Variants in FAM135A observed in about 807,000 individuals in gnomAD.
FAM135A encodes the protein protein FAM135A.
FAM135A carries 79 observed loss-of-function variants against 146.8 expected under a neutral mutation model. The observed-to-expected ratio is 0.54, with a 90% confidence interval of 0.45 to 0.65. The LOEUF (loss-of-function observed/expected upper bound fraction) is 0.65. FAM135A is among the 30% of genes least tolerant of loss of function. The probability of loss-of-function intolerance (pLI) is 0.00; values close to 1 mark genes in which losing one functional copy is unlikely to be tolerated. For missense variants in FAM135A, 1,623 were observed against 1,758.2 expected, an observed-to-expected ratio of 0.92 and a Z score of 1.38; for synonymous variants, 562 against 603.6, an observed-to-expected ratio of 0.93 and a Z score of 1.01.
intron 8 of FAM135A, 126 bp from the exon 9 acceptor site, chr6:70,480,775 A>C: frequency 1.4e-6 from 1 of 725,124 alleles, no homozygotes; most frequent in South Asian, 4.2e-5. Flanking sequence ...CTTTAGGAGT[A>C]CTTTTGAACT....
Position 70,525,591 on chromosome 6 carries a change from C to A in FAM135A, c.2507C>A (p.Ser836Tyr). ...STSAISEIQSSLTSINSLPSD... is the reference protein window; with the variant it reads ...STSAISEIQSYLTSINSLPSD... Reference sequence around the variant, plus strand: ...AGTGCTATAAGTGAAATACAGTCATCTTTGACATCCATAAACTCTCTACCC... The same window carrying A: ...AGTGCTATAAGTGAAATACAGTCATATTTGACATCCATAAACTCTCTACCC... Residue 836 changes from serine to tyrosine, a missense_variant, in exon 15 of 22, where the codon TCT becomes TAT. Ser to Tyr is a moderately radical substitution (Grantham distance 144). This residue lies in a region of FAM135A where 1,061 missense variants were observed against 1,113.8 expected (regional missense o/e 0.95). Coordinates refer to ENST00000418814, the MANE Select transcript of FAM135A (RefSeq NM_001162529.3). 1 of 1,613,560 alleles carries A rather than the reference C, an allele frequency of 6.2e-7. No homozygotes were observed. The highest frequency in any genetic ancestry group is 8.5e-7 in the Non-Finnish European group (1 of 1,179,658).
At chr6:70,495,210 C>T (rs1786944277) in intron 11 of FAM135A, among the ~76,000 whole-genome samples, 2 of 152,170 alleles carry the variant, frequency 1.3e-5, no homozygotes, top group South Asian at 4.1e-4. Context: ...TAAACCTTTT[C>T]CATAAATTAT....
intron 13 of FAM135A, 35 bp downstream of exon 13, chr6:70,522,621 A>G: frequency 6.6e-7 from 1 of 1,514,536 alleles, no homozygotes; most frequent in East Asian, 2.3e-5. Context: ...AAATGATATT[A>G]CTTCCTTTTA....
chr6:70,557,396 A>T (rs1801050573), intron 21 of FAM135A: 1 of 153,910 alleles, frequency 6.5e-6, no homozygotes, highest in Admixed American at 6.5e-5. Context: ...TTACAGACTT[A>T]GGTCAAGAAC....
chr6:70,524,949 A>C lies in FAM135A; in HGVS notation c.1865A>C (p.Gln622Pro), dbSNP rs1298042782. 1.2e-6 allele frequency: 2 copies of C among 1,607,716 alleles called. No individual in the cohort carries two copies. Among genetic ancestry groups the C allele is most frequent in the South Asian group, 1.1e-5 (1 of 89,532 alleles). Residue 622 changes from glutamine to proline, a missense_variant, in exon 15 of 22, where the codon CAG becomes CCG. Gln to Pro is a moderately conservative substitution (Grantham distance 76). Transcript: ENST00000418814. ...LSISGKLDIS[Q>P]DDSEITQMEH... is the part of the protein sequence containing the mutation. ...ATTTCAGGTAAACTTGATATCTCCCAGGACGATAGTGAAATTACACAAATG... is the reference window on the plus strand; with the variant it reads ...ATTTCAGGTAAACTTGATATCTCCCCGGACGATAGTGAAATTACACAAATG...
chr6:70,457,647 A>T (rs997741823), intron 5 of FAM135A, among the ~76,000 whole-genome samples: 1 of 152,196 alleles, frequency 6.6e-6, no homozygotes, highest in Non-Finnish European at 1.5e-5. Context: ...CCCTATTTGA[A>T]CCAAGTTCCT....
Position 70,424,882 on chromosome 6 carries a change from C to T in FAM135A, c.-133-1557C>T, listed in dbSNP as rs942278194. 3.3e-5 allele frequency among the ~76,000 whole-genome samples: 5 copies of T among 151,976 alleles called. No homozygotes were observed. In the East Asian group the frequency reaches 5.8e-4, roughly 18 times the overall value. ...TCCACATAACAGTGGTTATTAGTAT[C>T]GTAGTAGTATGTTCTCCTTTTGCCT... On this transcript the variant is annotated intron_variant, in intron 2 of 21. Transcript: ENST00000418814.
chr6:70,525,522 A>G lies in FAM135A; in HGVS notation c.2438A>G (p.Tyr813Cys), dbSNP rs370998939. 9 of 1,612,384 alleles carry G rather than the reference A, an allele frequency of 5.6e-6. No homozygotes were observed. The highest frequency in any genetic ancestry group is 1.3e-5 in the African/African-American group (1 of 74,836). Residue 813 changes from tyrosine to cysteine, a missense_variant, in exon 15 of 22, where the codon TAT becomes TGT. Tyr to Cys is a radical substitution (Grantham distance 194). This residue lies in a region of FAM135A where 1,061 missense variants were observed against 1,113.8 expected (regional missense o/e 0.95). Coordinates refer to ENST00000418814, the MANE Select transcript of FAM135A (RefSeq NM_001162529.3). ...CCTCAGCTTTTGATGAAACCTGATT[A>G]TAATGTAAAATTTTCATTAGGAAAT... ...LFPQLLMKPD[Y>C]NVKFSLGNHC...
At chr6:70,473,708 C>T (rs954739338) in intron 5 of FAM135A, among the ~76,000 whole-genome samples, 1 of 152,176 alleles carries the variant, frequency 6.6e-6, no homozygotes, top group Non-Finnish European at 1.5e-5. Context: ...TGTGGACCTC[C>T]TCCTTACCCC....
Position 70,522,595 on chromosome 6 carries a change from T to C in FAM135A, c.1103+9T>C, listed in dbSNP as rs551037381. ...GCATACCAGGAACTTCAGTGAGTAGTATAAATTCAAAATTAAAATGATATT... is the reference window on the plus strand; with the variant it reads ...GCATACCAGGAACTTCAGTGAGTAGCATAAATTCAAAATTAAAATGATATT... On this transcript the variant is annotated intron_variant, in intron 13 of 21. Coordinates refer to ENST00000418814, the MANE Select transcript of FAM135A (RefSeq NM_001162529.3). 2 of 1,606,752 alleles carry C rather than the reference T, an allele frequency of 1.2e-6. No homozygotes were observed. Among genetic ancestry groups the C allele is most frequent in the Admixed American group, 1.7e-5 (1 of 59,320 alleles).
At chr6:70,515,742 G>T (rs1013945227) in intron 12 of FAM135A, among the ~76,000 whole-genome samples, 1 of 151,952 alleles carries the variant, frequency 6.6e-6, no homozygotes, top group Admixed American at 6.6e-5. Flanking sequence ...GAACCTTAAT[G>T]TAAATAATGG....
intron 5 of FAM135A, among the ~76,000 whole-genome samples, chr6:70,475,054 G>A (rs929648325): frequency 2.2e-4 from 33 of 152,122 alleles, no homozygotes; most frequent in African/African-American, 5.6e-4. Flanking sequence ...TGAACTCCTA[G>A]CAACCAGTAC....
intron 5 of FAM135A, among the ~76,000 whole-genome samples, chr6:70,467,137 TAA>T (rs755535492): frequency 6.6e-6 from 1 of 152,222 alleles, no homozygotes; most frequent in Non-Finnish European, 1.5e-5. Flanking sequence ...CTTCAGCATC[TAA>T]AAGTCTTTTC....
chr6:70,433,036 A>T (rs1372090188), intron 4 of FAM135A, among the ~76,000 whole-genome samples: 1 of 151,594 alleles, frequency 6.6e-6, no homozygotes, highest in African/African-American at 2.4e-5. Context: ...ACACCCTGTT[A>T]TGCTAGGATG....
In FAM135A at chr6:70,525,035, T is replaced by G; in HGVS notation, c.1951T>G (p.Ser651Ala). The G allele has an allele frequency of 4.4e-6, 7 of 1,595,410 alleles. No individual in the cohort carries two copies. Among genetic ancestry groups the G allele is most frequent in the Non-Finnish European group, 6.0e-6 (7 of 1,173,810 alleles). The change falls in exon 15 of 22, where the codon TCT (serine) becomes GCT (alanine). Residue 651 changes from serine to alanine, a missense_variant. Around this residue, in one of 7 missense-constraint regions of FAM135A, gnomAD observed 1,061 missense variants for 1,113.8 expected, o/e 0.95. Transcript: ENST00000418814. Reference protein sequence around the residue: ...DDCHDHQTTPSLGVRTIEIKP... With the variant: ...DDCHDHQTTPALGVRTIEIKP... ...TTGCCATGATCATCAAACAACCCCA[T>G]CTTTGGGAGTTAGAACAATTGAAAT...
At position 70,459,977 on chromosome 6, in the gene FAM135A, G is replaced by A. The variant is rs148216035; in HGVS notation, c.157+7406G>A. The stretch of plus-strand genomic sequence containing the variant: ...ACCTGGGAGGTGGAGGTTGCAGTGA[G>A]CCAAGATCGCATCACTGCACTCCAG... On this transcript the variant is annotated intron_variant, in intron 5 of 21. Transcript: ENST00000418814. Among the ~76,000 whole-genome samples the A allele has an allele frequency of 5.6e-3, 858 of 152,318 alleles. 3 individuals carry two copies. Among genetic ancestry groups the A allele is most frequent in the Non-Finnish European group, 8.2e-3 (558 of 68,032 alleles).
At chr6:70,555,980 A>G (rs1350783116) in intron 20 of FAM135A, among the ~76,000 whole-genome samples, 1 of 152,126 alleles carries the variant, frequency 6.6e-6, no homozygotes, top group Non-Finnish European at 1.5e-5. Flanking sequence ...TAGGCCAGGC[A>G]TGGTGGTTCA....
At chr6:70,543,827 A>G (rs1798363251) in intron 20 of FAM135A, among the ~76,000 whole-genome samples, 1 of 152,202 alleles carries the variant, frequency 6.6e-6, no homozygotes, top group South Asian at 2.1e-4. Context: ...AGAAAATATA[A>G]CTGTAAAGAT....
At chr6:70,432,139 ATAACT>A (rs1279063876) in intron 4 of FAM135A, among the ~76,000 whole-genome samples, 49 of 152,272 alleles carry the variant, frequency 3.2e-4, no homozygotes, top group African/African-American at 1.2e-3. Context: ...TAGAAATGTA[ATAACT>A]TAATATTCAC....
Sources: gnomAD v4.1 joint callset for allele counts (sites outside exome capture counted in the v4.1 genomes callset) on GRCh38, gnomAD v4.1.1 for gene constraint, gnomAD v4.1.1 regional missense constraint, MANE v1.5 for transcripts, NCBI Gene and HGNC (gene_info 2026-07-23, HGNC 2026-07-21) for gene names.